BABAM2: variants seen among roughly 807,000 people sequenced by gnomAD.
BABAM2 encodes BRISC and BRCA1 A complex member 2.
Under a neutral mutation model 54.7 loss-of-function variants are expected in BABAM2, and 31 were observed. The ratio of observed to expected loss-of-function variants is 0.57; its 90% CI spans 0.43 to 0.77. The LOEUF (loss-of-function observed/expected upper bound fraction) is 0.77. BABAM2 is among the 30% of genes least tolerant of loss of function. The pLI, the probability that BABAM2 is intolerant of heterozygous loss-of-function variation, is 0.00. For missense variants in BABAM2, 364 were observed against 455.8 expected, an observed-to-expected ratio of 0.80 and a Z score of 1.83; for synonymous variants, 167 against 162.9, an observed-to-expected ratio of 1.03 and a Z score of -0.19.
chr2:27,925,283 A>G (rs1305845907), intron 2 of BABAM2, among the ~76,000 whole-genome samples: 2 of 152,154 alleles, frequency 1.3e-5, no homozygotes, highest in South Asian at 2.1e-4. Flanking sequence ...CTGTTTCCAT[A>G]GAAGATTTGG....
intron 6 of BABAM2, among the ~76,000 whole-genome samples, chr2:28,112,146 T>TTTCTTTCTTTCTTTCCCTCC: frequency 9.5e-5 from 1 of 10,558 alleles, no homozygotes; most frequent in Non-Finnish European, 1.5e-4. Flanking sequence ...TCTTTCTTTC[T>TTTCTTTCTTTCTTTCCCTCC]TTACCTCCCT....
At chr2:28,076,632 C>T (rs934564092) in intron 6 of BABAM2, among the ~76,000 whole-genome samples, 1 of 151,660 alleles carries the variant, frequency 6.6e-6, no homozygotes, top group Non-Finnish European at 1.5e-5. Context: ...AGTAGCTGGG[C>T]CTACAGGTGC....
Position 28,270,127 on chromosome 2 carries a change from A to AT in BABAM2, c.934+25275dup, listed in dbSNP as rs1014601550. 4.7e-5 allele frequency among the ~76,000 whole-genome samples: 7 copies of AT among 150,292 alleles called. No individual in the cohort carries two copies. The East Asian group carries it at 9.7e-4, about 21-fold the overall frequency. On this transcript the variant is annotated intron_variant, in intron 10 of 11. Transcript: ENST00000379624. Reference sequence around the variant, plus strand: ...TAAGATATGGTCCCTCCCTCATGAAATTTTTTTTTTAAGAGACAGGGTCTT... The same window carrying AT: ...TAAGATATGGTCCCTCCCTCATGAAATTTTTTTTTTTAAGAGACAGGGTCTT...
intron 7 of BABAM2, among the ~76,000 whole-genome samples, chr2:28,151,778 C>G (rs1379019278): frequency 6.6e-6 from 1 of 152,190 alleles, no homozygotes; most frequent in Non-Finnish European, 1.5e-5. Context: ...CATTTGCTAC[C>G]TATCTACCTC....
intron 7 of BABAM2, among the ~76,000 whole-genome samples, chr2:28,211,386 C>CTTTTTTTTTTTTTTTTTT (rs770284745): frequency 9.3e-5 from 9 of 96,890 alleles, no homozygotes; most frequent in African/African-American, 1.4e-4. Flanking sequence ...TCCTTATTAT[C>CTTTTTTTTTTTTTTTTTT]TTTTTTTTTT....
chr2:28,284,885 G>A (rs770164182), intron 10 of BABAM2, among the ~76,000 whole-genome samples: 56 of 152,242 alleles, frequency 3.7e-4, no homozygotes, highest in Admixed American at 7.9e-4. Flanking sequence ...CATTTATGAA[G>A]ACCTGCTATG....
rs528278288 is a variant in BABAM2 at position 28,152,165 on chromosome 2, T to A, written c.680+22785T>A. Among the ~76,000 whole-genome samples the A allele has an allele frequency of 2.0e-5, 3 of 152,320 alleles. No homozygotes were observed. In the South Asian group the frequency reaches 6.2e-4, roughly 32 times the overall value. ...CCCCCAAAGAGCCACATCTGAAATT[T>A]AGCAATCCATTTCTTCAAGATTTCA... On this transcript the variant is annotated intron_variant, in intron 7 of 11. Coordinates refer to ENST00000379624, the MANE Select transcript of BABAM2 (RefSeq NM_199191.3).
chr2:28,263,744 G>A (rs1280539985), intron 10 of BABAM2, among the ~76,000 whole-genome samples: 2 of 152,326 alleles, frequency 1.3e-5, no homozygotes, highest in African/African-American at 4.8e-5. Flanking sequence ...CACGTGGTGG[G>A]TAGGGATCCT....
rs1360883175 is a variant in BABAM2, at chr2:28,196,321, C to CGTCTCAA, written c.681-40881_681-40880insGTCTCAA. Reference sequence around the variant, plus strand: ...CAGCCTGGGCAACAGAGCAAGACTCCATATAAAAAAAAAATGAATTTTTTA... The same window carrying CGTCTCAA: ...CAGCCTGGGCAACAGAGCAAGACTCCGTCTCAAATATAAAAAAAAAATGAATTTTTTA... On this transcript the variant is annotated intron_variant, in intron 7 of 11. Transcript: ENST00000379624. Among the ~76,000 whole-genome samples, 7 of 107,552 alleles carry CGTCTCAA rather than the reference C, an allele frequency of 6.5e-5. 1 individual carries two copies. Among genetic ancestry groups the CGTCTCAA allele is most frequent in the Non-Finnish European group, 1.5e-4 (6 of 40,934 alleles). 70.6% of individuals were successfully genotyped at this position (107,552 alleles called of 152,430 possible).
intron 7 of BABAM2, among the ~76,000 whole-genome samples, chr2:28,163,325 C>T (rs1047548494): frequency 3.9e-5 from 6 of 152,180 alleles, no homozygotes; most frequent in African/African-American, 1.4e-4. Flanking sequence ...CAACTGGCCA[C>T]TCTCAGAATA....
chr2:28,017,496 C>G (rs917713659), intron 4 of BABAM2, among the ~76,000 whole-genome samples: 1 of 152,088 alleles, frequency 6.6e-6, no homozygotes, highest in Non-Finnish European at 1.5e-5. Flanking sequence ...AAGATTTTTA[C>G]TTTTTTCCTT....
chr2:28,032,660 A>G (rs1397517026), intron 5 of BABAM2, among the ~76,000 whole-genome samples: 2 of 152,162 alleles, frequency 1.3e-5, no homozygotes, highest in Admixed American at 6.6e-5. Flanking sequence ...AATAATAATT[A>G]TAAAACTATA....
rs397735161 is a variant in BABAM2, at chr2:28,040,294, CTTTTTTT to C, written c.496-5413_496-5407del. Among the ~76,000 whole-genome samples, 49 of 59,502 alleles carry C rather than the reference CTTTTTTT, an allele frequency of 8.2e-4. 1 individual carries two copies. Among genetic ancestry groups the C allele is most frequent in the East Asian group, 7.8e-3 (14 of 1,794 alleles). The allele number at this position is 59,502 out of a possible 152,430, so 39.0% of individuals were successfully genotyped here. On this transcript the variant is annotated intron_variant, in intron 5 of 11. Coordinates refer to ENST00000379624, the MANE Select transcript of BABAM2 (RefSeq NM_199191.3). The stretch of plus-strand genomic sequence containing the variant: ...CAGTGCCAGAATGAAAAACTGAATT[CTTTTTTT>C]TTTTTTTTTTTTTTTTTGAGACGGA...
chr2:28,182,801 A>G (rs1471505505), intron 7 of BABAM2, among the ~76,000 whole-genome samples: 1 of 152,224 alleles, frequency 6.6e-6, no homozygotes, highest in Non-Finnish European at 1.5e-5. Context: ...CTGTTACTGC[A>G]TCCAAAGTAC....
intron 4 of BABAM2, among the ~76,000 whole-genome samples, chr2:28,018,683 G>C (rs1441781178): frequency 6.6e-6 from 1 of 151,884 alleles, no homozygotes; most frequent in African/African-American, 2.4e-5. Flanking sequence ...GTTATTTTTT[G>C]ATTTTGGTCA....
chr2:27,927,733 A>G (rs1399689311), intron 2 of BABAM2, among the ~76,000 whole-genome samples: 1 of 152,126 alleles, frequency 6.6e-6, no homozygotes, highest in Non-Finnish European at 1.5e-5. Context: ...TACTGGTGCA[A>G]CTTAGTTGTT....
chr2:28,264,289 G>C (rs1372217500), intron 10 of BABAM2, among the ~76,000 whole-genome samples: 2 of 151,956 alleles, frequency 1.3e-5, no homozygotes, highest in African/African-American at 2.4e-5. Context: ...GGACTGAATG[G>C]GACATTCCTT....
At chr2:28,337,317 C>T (rs911141397) in intron 11 of BABAM2, among the ~76,000 whole-genome samples, 1 of 152,190 alleles carries the variant, frequency 6.6e-6, no homozygotes, top group African/African-American at 2.4e-5. Flanking sequence ...TCCACTGCCC[C>T]TTCCCTGCTG....
At chr2:27,909,016 G>T (rs1666391397) in intron 2 of BABAM2, among the ~76,000 whole-genome samples, 1 of 151,988 alleles carries the variant, frequency 6.6e-6, no homozygotes, top group Admixed American at 6.6e-5. Flanking sequence ...AATGTTTACT[G>T]ATGTTCAGCA....
Sources: allele counts gnomAD v4.1 joint callset (sites outside exome capture counted in the v4.1 genomes callset), GRCh38; gene constraint gnomAD v4.1.1; transcripts MANE v1.5; gene names NCBI Gene and HGNC (gene_info 2026-07-23, HGNC 2026-07-21).